Variants in SLCO5A1 observed in about 807,000 individuals in gnomAD.
SLCO5A1 encodes the protein organic anion transporter polypeptide-related protein 4.
A neutral mutation model predicts 65.1 loss-of-function variants in SLCO5A1; 39 were observed. That is an observed-to-expected ratio of 0.60 (90% CI 0.46 to 0.78). The LOEUF (loss-of-function observed/expected upper bound fraction) is 0.78, where lower values mean the gene tolerates loss of function less well. Among genes scored for constraint, SLCO5A1 ranks in the 30% least tolerant of loss-of-function variants. The pLI is 0.00. For synonymous variants in SLCO5A1, 438 were observed against 415.7 expected (o/e 1.05, Z -0.65); for missense variants, 1,029 against 1,069.4 (o/e 0.96, Z 0.53).
At chr8:69,786,009 A>G (rs1217409447) in intron 2 of SLCO5A1, among the ~76,000 whole-genome samples, 1 of 152,226 alleles carries the variant, frequency 6.6e-6, no homozygotes, top group Non-Finnish European at 1.5e-5. Flanking sequence ...TATACATTTT[A>G]TCAAATTCTC....
At chr8:69,801,161 A>G (rs1482373977) in intron 2 of SLCO5A1, among the ~76,000 whole-genome samples, 2 of 152,210 alleles carry the variant, frequency 1.3e-5, no homozygotes, top group Non-Finnish European at 2.9e-5. Context: ...CACAGCTCAC[A>G]TCCTAAGTCC....
At chr8:69,750,740 T>C (rs1817260407) in intron 4 of SLCO5A1, among the ~76,000 whole-genome samples, 1 of 152,218 alleles carries the variant, frequency 6.6e-6, no homozygotes, top group Admixed American at 6.5e-5. Flanking sequence ...ATGCTCCTTC[T>C]GCAGCCTTGA....
intron 7 of SLCO5A1, 52 bp downstream of exon 7, chr8:69,682,132 C>A: frequency 6.4e-7 from 1 of 1,560,198 alleles, no homozygotes; most frequent in Middle Eastern, 1.7e-4. Flanking sequence ...TCATCACATC[C>A]TTGTCACAGG....
chr8:69,822,566 T>G (rs1820694636), intron 2 of SLCO5A1, among the ~76,000 whole-genome samples: 1 of 152,198 alleles, frequency 6.6e-6, no homozygotes, highest in Admixed American at 6.5e-5. Flanking sequence ...TAGATACATT[T>G]AAGGGTTTTC....
chr8:69,732,109 C>T (rs916285024), intron 5 of SLCO5A1, among the ~76,000 whole-genome samples: 3 of 152,096 alleles, frequency 2.0e-5, no homozygotes, highest in Admixed American at 6.6e-5. Context: ...GAAGTGATTC[C>T]CAAAGGCTGC....
At chr8:69,715,369 A>C (rs1586717765) in intron 5 of SLCO5A1, among the ~76,000 whole-genome samples, 1 of 152,258 alleles carries the variant, frequency 6.6e-6, no homozygotes, top group South Asian at 2.1e-4. Context: ...TCATACAAGT[A>C]AAGCCCACAG....
chr8:69,699,634 T>A (rs1814639324), intron 6 of SLCO5A1, among the ~76,000 whole-genome samples: 1 of 152,170 alleles, frequency 6.6e-6, no homozygotes, highest in Non-Finnish European at 1.5e-5. Flanking sequence ...ACCAGAAATT[T>A]GAGCAGAGCT....
chr8:69,777,501 G>T (rs967074986), intron 2 of SLCO5A1, among the ~76,000 whole-genome samples: 1 of 117,990 alleles, frequency 8.5e-6, no homozygotes, highest in African/African-American at 3.3e-5. Flanking sequence ...CTTCACTGGG[G>T]TGTGTGTGGG....
At chr8:69,781,808 C>A (rs144978432) in intron 2 of SLCO5A1, among the ~76,000 whole-genome samples, 1 of 152,042 alleles carries the variant, frequency 6.6e-6, no homozygotes, top group Non-Finnish European at 1.5e-5. Flanking sequence ...CAGGCATACA[C>A]CACCACACCC....
intron 5 of SLCO5A1, among the ~76,000 whole-genome samples, chr8:69,715,827 C>T (rs1815497256): frequency 1.3e-5 from 2 of 152,032 alleles, no homozygotes; most frequent in African/African-American, 4.8e-5. Context: ...CTTCTCTGAG[C>T]TATAATTCAC....
intron 2 of SLCO5A1, among the ~76,000 whole-genome samples, chr8:69,816,849 GT>G (rs1820432532): frequency 6.6e-6 from 1 of 152,134 alleles, no homozygotes; most frequent in South Asian, 2.1e-4. Context: ...TATTTAACAT[GT>G]GCTAGAATGC....
At chr8:69,727,113 G>A (rs1429129998) in intron 5 of SLCO5A1, among the ~76,000 whole-genome samples, 1 of 152,152 alleles carries the variant, frequency 6.6e-6, no homozygotes. Flanking sequence ...TAGACTGTGA[G>A]GCCTTGAAGG....
intron 2 of SLCO5A1, among the ~76,000 whole-genome samples, chr8:69,807,697 TTTTG>T (rs532636334): frequency 2.0e-4 from 31 of 152,266 alleles, no homozygotes; most frequent in South Asian, 1.7e-3. Context: ...ATTTCCTGTT[TTTTG>T]TTTGTTTGTT....
At chr8:69,724,849 G>A (rs774958118) in intron 5 of SLCO5A1, among the ~76,000 whole-genome samples, 29 of 152,206 alleles carry the variant, frequency 1.9e-4, no homozygotes, top group Admixed American at 1.6e-3. Flanking sequence ...GTCACTAGCC[G>A]CAGTGTGCCA....
intron 2 of SLCO5A1, among the ~76,000 whole-genome samples, chr8:69,824,712 G>C (rs1820794490): frequency 6.6e-6 from 1 of 152,142 alleles, no homozygotes; most frequent in Non-Finnish European, 1.5e-5. Flanking sequence ...GGAGGAACTG[G>C]TACCATTCCT....
chr8:69,744,269 T>C (rs1190905423), intron 4 of SLCO5A1, among the ~76,000 whole-genome samples: 2 of 152,218 alleles, frequency 1.3e-5, no homozygotes, highest in African/African-American at 4.8e-5. Flanking sequence ...TGAACACCAC[T>C]GAGTGCGCCA....
intron 2 of SLCO5A1, among the ~76,000 whole-genome samples, chr8:69,820,261 C>T (rs1202475743): frequency 6.6e-6 from 1 of 152,218 alleles, no homozygotes; most frequent in Non-Finnish European, 1.5e-5. Flanking sequence ...TGAGACACAG[C>T]AGTTGTCACT....
chr8:69,764,822 G>A (rs10096220), intron 2 of SLCO5A1, among the ~76,000 whole-genome samples: 24,808 of 151,962 alleles, frequency 0.16, 2,221 homozygotes, highest in African/African-American at 0.22. Context: ...AGTTCCTCTG[G>A]CATGAAAGAA....
chr8:69,683,722 C>A (rs1013480519), intron 6 of SLCO5A1, among the ~76,000 whole-genome samples: 1 of 152,026 alleles, frequency 6.6e-6, no homozygotes, highest in Non-Finnish European at 1.5e-5. Flanking sequence ...GCCACCATGC[C>A]CGGCTAATTT....
Sources: allele counts gnomAD v4.1 joint callset (sites outside exome capture counted in the v4.1 genomes callset), GRCh38; gene constraint gnomAD v4.1.1; transcripts MANE v1.5; gene names NCBI Gene and HGNC (gene_info 2026-07-23, HGNC 2026-07-21).